ASTN2: variants seen among roughly 807,000 people sequenced by gnomAD.
ASTN2 encodes astrotactin 2, also known as astrotactin-2.
ASTN2 carries 54 observed loss-of-function variants against 139.8 expected under a neutral mutation model. The ratio of observed to expected loss-of-function variants is 0.39; its 90% CI spans 0.31 to 0.48. The LOEUF is 0.48. ASTN2 is among the 20% of genes least tolerant of loss of function. The pLI is 0.95. For missense variants in ASTN2, 1,565 were observed against 1,725.1 expected (o/e 0.91, Z 1.64); for synonymous variants, 756 against 719.5 (o/e 1.05, Z -0.81).
At chr9:116,926,708 CTT>C (rs1377710048) in intron 10 of ASTN2, among the ~76,000 whole-genome samples, 1 of 152,126 alleles carries the variant, frequency 6.6e-6, no homozygotes, top group Admixed American at 6.5e-5. Context: ...GTGGGTAACT[CTT>C]TTAAAATTCC....
At chr9:116,667,183 T>C (rs908923645) in intron 16 of ASTN2, among the ~76,000 whole-genome samples, 1 of 152,008 alleles carries the variant, frequency 6.6e-6, no homozygotes, top group Non-Finnish European at 1.5e-5. Context: ...CTTGAACTCC[T>C]GACCTCAAGT....
intron 13 of ASTN2, among the ~76,000 whole-genome samples, chr9:116,738,106 G>C (rs1282525923): frequency 2.0e-5 from 3 of 149,532 alleles, no homozygotes; most frequent in Non-Finnish European, 4.5e-5. Context: ...GCAGGAGAAT[G>C]GCGTGAACCC....
intron 16 of ASTN2, among the ~76,000 whole-genome samples, chr9:116,705,420 T>G (rs1048530837): frequency 6.6e-6 from 1 of 152,212 alleles, no homozygotes; most frequent in Non-Finnish European, 1.5e-5. Context: ...AAATCTTGAT[T>G]GAAACCATGA....
At chr9:116,575,085 C>A (rs1853670321) in intron 19 of ASTN2, among the ~76,000 whole-genome samples, 2 of 152,140 alleles carry the variant, frequency 1.3e-5, no homozygotes, top group Admixed American at 1.3e-4. Context: ...TCGTTTCATT[C>A]AAGTCCTACC....
At chr9:116,863,408 T>C (rs769278185) in intron 11 of ASTN2, among the ~76,000 whole-genome samples, 175 bp downstream of exon 11, 5 of 152,222 alleles carry the variant, frequency 3.3e-5, no homozygotes, top group Non-Finnish European at 7.3e-5. Context: ...GGTTTAATGA[T>C]CTCACTTTAC....
intron 10 of ASTN2, among the ~76,000 whole-genome samples, chr9:116,958,087 T>A (rs1280576933): frequency 1.3e-5 from 2 of 152,214 alleles, no homozygotes; most frequent in African/African-American, 4.8e-5. Context: ...TAACTTTGGT[T>A]AAGGTGGCAT....
intron 3 of ASTN2, among the ~76,000 whole-genome samples, chr9:117,154,509 C>T (rs750174866): frequency 6.6e-6 from 1 of 152,064 alleles, no homozygotes; most frequent in African/African-American, 2.4e-5. Context: ...CCAAGCCTCT[C>T]TCAGCCTCAG....
intron 10 of ASTN2, among the ~76,000 whole-genome samples, chr9:116,918,939 AT>A (rs1277528361): frequency 3.9e-5 from 6 of 151,900 alleles, no homozygotes; most frequent in African/African-American, 1.5e-4. Context: ...ATGACTAGGG[AT>A]TTCTTTTTAC....
At chr9:116,484,102 C>A (rs1406967104) in intron 20 of ASTN2, among the ~76,000 whole-genome samples, 1 of 152,178 alleles carries the variant, frequency 6.6e-6, no homozygotes, top group East Asian at 1.9e-4. Context: ...GATAGTGGGA[C>A]CCCAACTTGC....
At chr9:116,800,073 C>T (rs755416124) in intron 13 of ASTN2, among the ~76,000 whole-genome samples, 8 of 152,126 alleles carry the variant, frequency 5.3e-5, no homozygotes, top group East Asian at 1.9e-4. Context: ...CATTCCCTTC[C>T]GAGGAATAAA....
chr9:117,165,905 T>C (rs1248038351), intron 3 of ASTN2, among the ~76,000 whole-genome samples: 1 of 151,876 alleles, frequency 6.6e-6, no homozygotes, highest in Non-Finnish European at 1.5e-5. Flanking sequence ...TCTAGTAAAA[T>C]AAAACAAATA....
intron 2 of ASTN2, among the ~76,000 whole-genome samples, chr9:117,219,695 G>A (rs1222353071): frequency 6.6e-6 from 1 of 152,212 alleles, no homozygotes; most frequent in Non-Finnish European, 1.5e-5. Flanking sequence ...CACCTTATGA[G>A]AATTTCAAGA....
intron 7 of ASTN2, among the ~76,000 whole-genome samples, chr9:117,004,794 C>T (rs1460053013): frequency 6.6e-6 from 1 of 152,180 alleles, no homozygotes; most frequent in Non-Finnish European, 1.5e-5. Context: ...AAGCAGAAGA[C>T]TGAAAGTAAG....
Position 116,437,884 on chromosome 9 carries a change from C to T in ASTN2, c.3782+2725G>A, listed in dbSNP as rs1588057388. ...CGCTGGACAGAGATCCGTTTTATCC[C>T]TGGACCAAGCTCTCATCTCTGTCCC... On this transcript the variant is annotated intron_variant, in intron 22 of 22. Coordinates refer to ENST00000313400, the MANE Select transcript of ASTN2 (RefSeq NM_001365068.1). Among the ~76,000 whole-genome samples, 3 of 152,314 alleles carry T rather than the reference C, an allele frequency of 2.0e-5. No homozygotes were observed. In the Middle Eastern group the frequency reaches 0.01, roughly 518 times the overall value.
intron 20 of ASTN2, among the ~76,000 whole-genome samples, chr9:116,481,773 A>G (rs1849176654): frequency 6.6e-6 from 1 of 152,164 alleles, no homozygotes; most frequent in Admixed American, 6.5e-5. Context: ...ATAGGCTGTG[A>G]TCTGAGTCTT....
intron 16 of ASTN2, among the ~76,000 whole-genome samples, chr9:116,696,974 C>T (rs1385704136): frequency 6.9e-6 from 1 of 145,724 alleles, no homozygotes; most frequent in Non-Finnish European, 1.5e-5. Context: ...AAAGCCTCCA[C>T]ACTTTTGCTT....
At chr9:116,799,650 C>T (rs752289841) in intron 13 of ASTN2, among the ~76,000 whole-genome samples, 8 of 146,990 alleles carry the variant, frequency 5.4e-5, no homozygotes, top group Non-Finnish European at 1.2e-4. Flanking sequence ...AATCTATAAC[C>T]AAAGTTTACC....
In ASTN2 at chr9:116,867,794, G is replaced by A. The variant is rs186186983; in HGVS notation, c.1890-4061C>T. ...TTAAAACACAAAGACCTGACACAGG[G>A]GCCGTTACTAAGTCAAGAGAAGTGA... On this transcript the variant is annotated intron_variant, in intron 10 of 22. Coordinates refer to ENST00000313400, the MANE Select transcript of ASTN2 (RefSeq NM_001365068.1). Among the ~76,000 whole-genome samples, 453 of 152,214 alleles carry A rather than the reference G, an allele frequency of 3.0e-3. 2 individuals are homozygous for A. The highest frequency in any genetic ancestry group is 3.6e-3 in the Non-Finnish European group (246 of 68,024).
At chr9:116,596,923 C>T (rs1413374013) in intron 19 of ASTN2, among the ~76,000 whole-genome samples, 4 of 152,100 alleles carry the variant, frequency 2.6e-5, no homozygotes, top group Non-Finnish European at 4.4e-5. Flanking sequence ...TGTGAAGTAA[C>T]AAGCTTGGTG....
Sources: gnomAD v4.1 joint callset for allele counts (sites outside exome capture counted in the v4.1 genomes callset) on GRCh38, gnomAD v4.1.1 for gene constraint, MANE v1.5 for transcripts, NCBI Gene and HGNC (gene_info 2026-07-23, HGNC 2026-07-21) for gene names.